The following SMYD3 variants were observed in gnomAD, a reference collection of about 807,000 sequenced individuals.
SMYD3 encodes the protein histone-lysine N-methyltransferase SMYD3.
Under a neutral mutation model 57.7 loss-of-function variants are expected in SMYD3, and 36 were observed. That is an observed-to-expected ratio of 0.62 (90% confidence interval 0.48 to 0.82). The LOEUF (loss-of-function observed/expected upper bound fraction) is 0.82, where lower values mean the gene tolerates loss of function less well. SMYD3 is among the 40% of genes least tolerant of loss of function. The pLI, the probability that SMYD3 is intolerant of heterozygous loss-of-function variation, is 0.00. For missense variants in SMYD3, 515 were observed against 538.8 expected, an observed-to-expected ratio of 0.96 and a Z score of 0.44; for synonymous variants, 211 against 195.0, an observed-to-expected ratio of 1.08 and a Z score of -0.68.
chr1:246,450,992 C>T (rs142202114), intron 1 of SMYD3, among the ~76,000 whole-genome samples: 105 of 152,228 alleles, frequency 6.9e-4, no homozygotes, highest in African/African-American at 2.5e-3. Flanking sequence ...TTGGAAATTC[C>T]CTAAAGACAA....
chr1:246,048,718 G>A (rs1384585942), intron 5 of SMYD3, among the ~76,000 whole-genome samples: 1 of 151,866 alleles, frequency 6.6e-6, no homozygotes, highest in Non-Finnish European at 1.5e-5. Context: ...CAGCAAACAG[G>A]GAGAATGATA....
intron 5 of SMYD3, among the ~76,000 whole-genome samples, chr1:246,306,377 A>G (rs1378067273): frequency 6.6e-6 from 1 of 152,016 alleles, no homozygotes; most frequent in African/African-American, 2.4e-5. Flanking sequence ...GTATCTTCAA[A>G]CTTTGTGCCA....
intron 10 of SMYD3, among the ~76,000 whole-genome samples, chr1:245,775,287 G>T (rs2046533192): frequency 6.6e-6 from 1 of 152,196 alleles, no homozygotes; most frequent in Non-Finnish European, 1.5e-5. Context: ...GGGGAAGTGT[G>T]GGGAAAGGAA....
chr1:246,282,315 A>AAAAAAAAAAAAAAC (rs1248167595), intron 5 of SMYD3, among the ~76,000 whole-genome samples: 11 of 44,240 alleles, frequency 2.5e-4, no homozygotes, highest in African/African-American at 5.9e-4. Context: ...CAAAAAAAAA[A>AAAAAAAAAAAAAAC]AAAAAAAAAA....
intron 5 of SMYD3, among the ~76,000 whole-genome samples, chr1:246,173,155 T>C (rs2062372060): frequency 6.6e-6 from 1 of 151,348 alleles, no homozygotes. Flanking sequence ...TGTTCTCTAC[T>C]GCAGACTATC....
At chr1:246,065,588 C>T (rs2060326977) in intron 5 of SMYD3, among the ~76,000 whole-genome samples, 1 of 152,176 alleles carries the variant, frequency 6.6e-6, no homozygotes, top group African/African-American at 2.4e-5. Flanking sequence ...ACATGCAATC[C>T]TCTTCGTTTG....
At chr1:245,868,366 C>G (rs1000278763) in intron 8 of SMYD3, among the ~76,000 whole-genome samples, 15 of 152,194 alleles carry the variant, frequency 9.9e-5, no homozygotes, top group African/African-American at 3.4e-4. Context: ...AAACTCATAT[C>G]TGAGTTAATC....
intron 11 of SMYD3, among the ~76,000 whole-genome samples, chr1:245,757,464 T>C (rs1270040821): frequency 1.3e-5 from 2 of 152,084 alleles, no homozygotes; most frequent in Non-Finnish European, 2.9e-5. Context: ...TTTTGTTGCC[T>C]GTAGCTTTGG....
intron 5 of SMYD3, among the ~76,000 whole-genome samples, chr1:246,280,903 A>T (rs1194846721): frequency 6.6e-6 from 1 of 152,234 alleles, no homozygotes; most frequent in Non-Finnish European, 1.5e-5. Flanking sequence ...GTTGTACCAA[A>T]TTCCAAATGG....
intron 5 of SMYD3, among the ~76,000 whole-genome samples, chr1:246,254,306 T>G (rs570760602): frequency 1.3e-5 from 2 of 152,344 alleles, no homozygotes; most frequent in Admixed American, 1.3e-4. Context: ...CTTGAGTTAA[T>G]TTTTATATAA....
chr1:246,390,847 G>GAGC (rs2066550178), intron 1 of SMYD3, among the ~76,000 whole-genome samples: 1 of 152,038 alleles, frequency 6.6e-6, no homozygotes, highest in East Asian at 1.9e-4. Context: ...TACAGCACTA[G>GAGC]AGCAACAACA....
At chr1:245,900,468 T>C (rs1217369888) in intron 8 of SMYD3, among the ~76,000 whole-genome samples, 1 of 152,168 alleles carries the variant, frequency 6.6e-6, no homozygotes, top group Non-Finnish European at 1.5e-5. Flanking sequence ...GCATCAGTCA[T>C]CTTCAGACTG....
At chr1:246,371,554 A>G (rs2066191904) in intron 1 of SMYD3, among the ~76,000 whole-genome samples, 1 of 152,238 alleles carries the variant, frequency 6.6e-6, no homozygotes, top group South Asian at 2.1e-4. Context: ...CTTTAGGTGT[A>G]TAACTATTGC....
chr1:246,463,833 C>CGAAAA (rs2067843263), intron 1 of SMYD3, among the ~76,000 whole-genome samples: 1 of 70,488 alleles, frequency 1.4e-5, no homozygotes, highest in Non-Finnish European at 2.4e-5. Flanking sequence ...GACCCCGTCT[C>CGAAAA]AAAAAAAAAA....
At chr1:246,172,170 C>A (rs2062347649) in intron 5 of SMYD3, among the ~76,000 whole-genome samples, 1 of 152,102 alleles carries the variant, frequency 6.6e-6, no homozygotes, top group African/African-American at 2.4e-5. Flanking sequence ...TGTAGACTAT[C>A]CACACTGCAC....
chr1:245,788,621 T>G (rs978302775), intron 10 of SMYD3, among the ~76,000 whole-genome samples: 1 of 152,206 alleles, frequency 6.6e-6, no homozygotes, highest in African/African-American at 2.4e-5. Context: ...CAGCAAGCTC[T>G]AAGCCCCTCA....
intron 5 of SMYD3, among the ~76,000 whole-genome samples, chr1:246,072,910 T>C (rs1165467108): frequency 6.6e-6 from 1 of 152,228 alleles, no homozygotes; most frequent in Non-Finnish European, 1.5e-5. Context: ...ACACTGAAAC[T>C]TCTTCCATAA....
intron 1 of SMYD3, among the ~76,000 whole-genome samples, chr1:246,405,647 G>A (rs1365935850): frequency 6.6e-6 from 1 of 152,048 alleles, no homozygotes; most frequent in Non-Finnish European, 1.5e-5. Flanking sequence ...AGTGGTTCAC[G>A]TCTGTAATCC....
chr1:246,504,360 T>A (rs939537454), intron 1 of SMYD3, among the ~76,000 whole-genome samples: 1 of 152,208 alleles, frequency 6.6e-6, no homozygotes, highest in African/African-American at 2.4e-5. Flanking sequence ...TAGCAGGTAT[T>A]GTCTGTACTG....
Sources: gnomAD v4.1 joint callset for allele counts (sites outside exome capture counted in the v4.1 genomes callset) on GRCh38, gnomAD v4.1.1 for gene constraint, MANE v1.5 for transcripts, NCBI Gene and HGNC (gene_info 2026-07-23, HGNC 2026-07-21) for gene names.